Variants in CMSS1 observed in about 807,000 individuals in gnomAD.
CMSS1 encodes cms1 ribosomal small subunit homolog, also known as protein CMSS1.
A neutral mutation model predicts 43.5 loss-of-function variants in CMSS1; 33 were observed. That is an observed-to-expected ratio of 0.76 (90% CI 0.57 to 1.01). CMSS1 has a LOEUF of 1.01. CMSS1 is among the 50% of genes least tolerant of loss of function. The pLI, the probability that CMSS1 is intolerant of heterozygous loss-of-function variation, is 0.00. For missense variants in CMSS1, 313 were observed against 326.4 expected (o/e 0.96, Z 0.32); for synonymous variants, 115 against 117.2 (o/e 0.98, Z 0.12).
At chr3:100,140,993 C>T (rs747112496) in intron 1 of CMSS1, among the ~76,000 whole-genome samples, 2 of 152,146 alleles carry the variant, frequency 1.3e-5, no homozygotes, top group East Asian at 1.9e-4. Context: ...ACAGGAGAGA[C>T]GTTCCATTTC....
At chr3:99,977,747 G>T (rs1181579139) in intron 1 of CMSS1, among the ~76,000 whole-genome samples, 1 of 152,130 alleles carries the variant, frequency 6.6e-6, no homozygotes, top group Non-Finnish European at 1.5e-5. Flanking sequence ...TGACACTGCT[G>T]AGATCAGGAC....
chr3:99,841,254 T>C (rs1467141666), intron 1 of CMSS1, among the ~76,000 whole-genome samples: 1 of 152,282 alleles, frequency 6.6e-6, no homozygotes, highest in Non-Finnish European at 1.5e-5. Flanking sequence ...AACAATTATA[T>C]TTGTGTTAAT....
intron 1 of CMSS1, among the ~76,000 whole-genome samples, chr3:99,955,975 G>A (rs1305480868): frequency 6.6e-6 from 1 of 152,030 alleles, no homozygotes; most frequent in Non-Finnish European, 1.5e-5. Flanking sequence ...CCTAACTCCC[G>A]GACTTGACCT....
At chr3:99,940,181 G>T (rs1030788779) in intron 1 of CMSS1, among the ~76,000 whole-genome samples, 6 of 152,154 alleles carry the variant, frequency 3.9e-5, no homozygotes, top group African/African-American at 1.4e-4. Context: ...CTCATTTAAG[G>T]TTGAAACAGG....
chr3:99,951,500 C>T (rs140201204), intron 1 of CMSS1, among the ~76,000 whole-genome samples: 2 of 152,244 alleles, frequency 1.3e-5, no homozygotes, highest in African/African-American at 2.4e-5. Flanking sequence ...GTCCAGTCTC[C>T]CTGGTAAAAA....
chr3:99,886,496 G>T (rs1453344224), intron 1 of CMSS1, among the ~76,000 whole-genome samples: 1 of 152,074 alleles, frequency 6.6e-6, no homozygotes, highest in African/African-American at 2.4e-5. Flanking sequence ...AGCTGTCCTG[G>T]GTCACTTGCA....
At chr3:99,866,909 G>A (rs1293915733) in intron 1 of CMSS1, among the ~76,000 whole-genome samples, 2 of 152,096 alleles carry the variant, frequency 1.3e-5, no homozygotes, top group Non-Finnish European at 2.9e-5. Context: ...TGCATGCTTT[G>A]TACAAATTAA....
At chr3:100,084,232 G>A (rs2065972604) in intron 1 of CMSS1, among the ~76,000 whole-genome samples, 1 of 152,126 alleles carries the variant, frequency 6.6e-6, no homozygotes, top group Admixed American at 6.6e-5. Flanking sequence ...AACTTTAATA[G>A]CAGCCTTTGG....
chr3:100,058,062 G>A (rs2065495955), intron 1 of CMSS1, among the ~76,000 whole-genome samples: 1 of 152,188 alleles, frequency 6.6e-6, no homozygotes, highest in South Asian at 2.1e-4. Context: ...CAGGCAATAT[G>A]CACAATTTTT....
intron 1 of CMSS1, among the ~76,000 whole-genome samples, chr3:100,101,008 C>CTT (rs2066295185): frequency 6.6e-6 from 1 of 152,166 alleles, no homozygotes; most frequent in East Asian, 1.9e-4. Flanking sequence ...ACAGTGGCAT[C>CTT]TCACTTGCAT....
intron 1 of CMSS1, among the ~76,000 whole-genome samples, chr3:100,003,653 T>C (rs900282758): frequency 2.0e-5 from 3 of 152,076 alleles, no homozygotes; most frequent in African/African-American, 7.2e-5. Flanking sequence ...ACTCGAGAAG[T>C]TTTTGCAAGA....
chr3:100,128,642 A>G (rs1467212762), intron 1 of CMSS1, among the ~76,000 whole-genome samples: 1 of 152,152 alleles, frequency 6.6e-6, no homozygotes, highest in Non-Finnish European at 1.5e-5. Flanking sequence ...TCCCTTCCCA[A>G]TCAAACCCAC....
rs74348716 is a variant in CMSS1, at chr3:99,933,974, C to T, written c.64+115931C>T. 6.2e-3 allele frequency among the ~76,000 whole-genome samples: 942 copies of T among 152,288 alleles called. 6 individuals are homozygous for T. Among genetic ancestry groups the T allele is most frequent in the African/African-American group, 0.018 (747 of 41,550 alleles). On this transcript the variant is annotated intron_variant, in intron 1 of 9. Transcript: ENST00000421999. ...CTCCACAGCTTCAGCTTTCTTACAG[C>T]TATTCTGGGCCTGGATGGTCTAAGA...
chr3:99,838,257 C>T (rs1170119856), intron 1 of CMSS1, among the ~76,000 whole-genome samples: 1 of 152,226 alleles, frequency 6.6e-6, no homozygotes, highest in East Asian at 1.9e-4. Context: ...TTCCCCGTGC[C>T]TGCCCATTTG....
At chr3:100,145,578 G>T (rs538602380) in intron 1 of CMSS1, among the ~76,000 whole-genome samples, 21 of 152,316 alleles carry the variant, frequency 1.4e-4, no homozygotes, top group Non-Finnish European at 2.5e-4. Flanking sequence ...CCAGCCCTAA[G>T]ATCTTCATGG....
intron 1 of CMSS1, chr3:99,830,294 G>C: frequency 2.9e-6 from 1 of 345,858 alleles, no homozygotes; most frequent in Non-Finnish European, 5.7e-6. Flanking sequence ...ATCTTCATCA[G>C]GTCCACAAAG....
intron 1 of CMSS1, among the ~76,000 whole-genome samples, chr3:100,069,562 T>G (rs138808236): frequency 2.0e-5 from 3 of 152,254 alleles, no homozygotes; most frequent in Admixed American, 6.5e-5. Flanking sequence ...TGTCACAGTC[T>G]AAAAACTAGT....
intron 1 of CMSS1, among the ~76,000 whole-genome samples, chr3:99,890,118 A>G (rs1559677408): frequency 1.3e-5 from 2 of 151,958 alleles, no homozygotes; most frequent in South Asian, 4.1e-4. Context: ...TTATTTCACC[A>G]TCGTTCTTGA....
rs2067174624 is a variant in CMSS1 at position 100,179,925 on chromosome 3, T to G, written c.*1537T>G. Reference sequence around the variant, plus strand: ...GGCGTTTCCATACATCCTCTGAAATTGAGGCAGAGGCTCCCAAACCTCAGC... The same window carrying G: ...GGCGTTTCCATACATCCTCTGAAATGGAGGCAGAGGCTCCCAAACCTCAGC... On this transcript the variant is annotated 3_prime_UTR_variant, in exon 10 of 10. Coordinates refer to ENST00000421999, the MANE Select transcript of CMSS1 (RefSeq NM_032359.4). 4 of 152,324 alleles carry G rather than the reference T, an allele frequency of 2.6e-5. No homozygotes were observed. The highest frequency in any genetic ancestry group is 2.0e-4 in the Admixed American group (3 of 15,288). 9.4% of individuals were successfully genotyped at this position (152,324 alleles called of 1,614,324 possible).
Sources: allele counts gnomAD v4.1 joint callset (sites outside exome capture counted in the v4.1 genomes callset), GRCh38; gene constraint gnomAD v4.1.1; transcripts MANE v1.5; gene names NCBI Gene and HGNC (gene_info 2026-07-23, HGNC 2026-07-21).